Variants in DLG2 observed in about 807,000 individuals in gnomAD.
DLG2 encodes the protein discs large MAGUK scaffold protein 2.
Under a neutral mutation model 132.5 loss-of-function variants are expected in DLG2, and 45 were observed. The ratio of observed to expected loss-of-function variants is 0.34; its 90% CI spans 0.27 to 0.44. The LOEUF (loss-of-function observed/expected upper bound fraction) is 0.44. DLG2 is among the 20% of genes least tolerant of loss of function. The probability of loss-of-function intolerance (pLI) is 1.00; values close to 1 mark genes in which losing one functional copy is unlikely to be tolerated. For missense variants in DLG2, 1,045 were observed against 1,196.9 expected, an observed-to-expected ratio of 0.87 and a Z score of 1.87; for synonymous variants, 424 against 419.6, an observed-to-expected ratio of 1.01 and a Z score of -0.13.
intron 3 of DLG2, among the ~76,000 whole-genome samples, chr11:85,497,525 C>A (rs1259450253): frequency 6.6e-6 from 1 of 152,106 alleles, no homozygotes; most frequent in Non-Finnish European, 1.5e-5. Flanking sequence ...TCCAGGAGAA[C>A]TTCCCCAACC....
At chr11:84,357,768 T>C (rs568493834) in intron 7 of DLG2, among the ~76,000 whole-genome samples, 5 of 152,144 alleles carry the variant, frequency 3.3e-5, no homozygotes, top group African/African-American at 1.2e-4. Flanking sequence ...TTATTACTAG[T>C]GAAAGTAAGA....
At chr11:84,637,132 G>A (rs1417422616) in intron 6 of DLG2, among the ~76,000 whole-genome samples, 1 of 152,168 alleles carries the variant, frequency 6.6e-6, no homozygotes, top group Non-Finnish European at 1.5e-5. Flanking sequence ...ATTATGTGAA[G>A]TGTGGTAAGT....
At chr11:83,607,388 T>C (rs1723548233) in intron 19 of DLG2, among the ~76,000 whole-genome samples, 2 of 152,202 alleles carry the variant, frequency 1.3e-5, no homozygotes, top group Admixed American at 6.5e-5. Context: ...TCAGTTAATG[T>C]ATTCATGAAA....
At chr11:85,311,653 C>T (rs2080321502) in intron 3 of DLG2, among the ~76,000 whole-genome samples, 1 of 152,024 alleles carries the variant, frequency 6.6e-6, no homozygotes, top group African/African-American at 2.4e-5. Context: ...GAAATGAAAC[C>T]TTATAGATAA....
At chr11:84,076,870 A>G (rs1002968212) in intron 10 of DLG2, among the ~76,000 whole-genome samples, 4 of 152,342 alleles carry the variant, frequency 2.6e-5, no homozygotes, top group Middle Eastern at 3.4e-3. Context: ...AAACAAAGCC[A>G]TGTGATGTGA....
intron 11 of DLG2, among the ~76,000 whole-genome samples, chr11:84,054,096 T>C (rs2096455583): frequency 6.6e-6 from 1 of 152,082 alleles, no homozygotes; most frequent in Admixed American, 6.6e-5. Flanking sequence ...TTAATAAAAC[T>C]GTAGCTTTCA....
chr11:85,015,371 G>T (rs2059486459), intron 6 of DLG2, among the ~76,000 whole-genome samples: 1 of 145,350 alleles, frequency 6.9e-6, no homozygotes, highest in African/African-American at 2.5e-5. Context: ...ACAACCTAAT[G>T]AAAATACATT....
At position 84,454,734 on chromosome 11, in the gene DLG2, A is replaced by C. The variant is rs560554115; in HGVS notation, c.519+79836T>G. ...TCCAGCTGAGAAAATAAGCCAAATAAAAAAGCACATTTTGCATGATTCCAT... is the reference window on the plus strand; with the variant it reads ...TCCAGCTGAGAAAATAAGCCAAATACAAAAGCACATTTTGCATGATTCCAT... On this transcript the variant is annotated intron_variant, in intron 7 of 27. Coordinates refer to ENST00000376104, the MANE Select transcript of DLG2 (RefSeq NM_001142699.3). Among the ~76,000 whole-genome samples the C allele has an allele frequency of 2.0e-5, 3 of 151,658 alleles. No individual in the cohort carries two copies. The East Asian group carries it at 5.8e-4, about 29-fold the overall frequency.
chr11:85,595,586 T>C (rs2079691879), intron 3 of DLG2, among the ~76,000 whole-genome samples: 1 of 152,138 alleles, frequency 6.6e-6, no homozygotes. Flanking sequence ...CCAATTGCTG[T>C]CTTTCAAAAA....
At chr11:85,140,006 T>C (rs1209430880) in intron 5 of DLG2, among the ~76,000 whole-genome samples, 2 of 152,056 alleles carry the variant, frequency 1.3e-5, no homozygotes, top group South Asian at 2.1e-4. Flanking sequence ...CTCATTCTTT[T>C]TTAAAGCTGA....
intron 8 of DLG2, among the ~76,000 whole-genome samples, chr11:84,167,475 G>A (rs752116800): frequency 1.7e-4 from 26 of 152,184 alleles, no homozygotes; most frequent in Non-Finnish European, 3.5e-4. Context: ...CCTGGATGAT[G>A]ATATAATTTG....
intron 19 of DLG2, among the ~76,000 whole-genome samples, chr11:83,605,346 A>G (rs749691299): frequency 1.3e-5 from 2 of 152,244 alleles, no homozygotes; most frequent in African/African-American, 2.4e-5. Flanking sequence ...TGAGCTTTTT[A>G]CGACCCACTC....
intron 7 of DLG2, among the ~76,000 whole-genome samples, chr11:84,362,579 T>C (rs1358649920): frequency 3.9e-5 from 6 of 151,996 alleles, no homozygotes; most frequent in Non-Finnish European, 1.5e-5. Context: ...TACATATGTA[T>C]ACATGTGACA....
chr11:84,181,043 A>G (rs1273516371), intron 8 of DLG2, among the ~76,000 whole-genome samples: 1 of 152,036 alleles, frequency 6.6e-6, no homozygotes, highest in Non-Finnish European at 1.5e-5. Flanking sequence ...TTCTTAATCT[A>G]ACAGATAACA....
chr11:83,640,133 G>T (rs894971631), intron 18 of DLG2, among the ~76,000 whole-genome samples: 2 of 152,146 alleles, frequency 1.3e-5, no homozygotes, highest in African/African-American at 2.4e-5. Context: ...CTGTAAACAG[G>T]ACTCTGCACA....
intron 3 of DLG2, among the ~76,000 whole-genome samples, chr11:85,477,109 T>C (rs189410602): frequency 6.6e-6 from 1 of 152,278 alleles, no homozygotes; most frequent in Non-Finnish European, 1.5e-5. Context: ...ATTATAATCA[T>C]ATGGGACCAT....
chr11:84,703,839 C>T (rs1198409731), intron 6 of DLG2, among the ~76,000 whole-genome samples: 7 of 114,800 alleles, frequency 6.1e-5, no homozygotes, highest in Non-Finnish European at 8.5e-5. Context: ...GAAAATAATG[C>T]TAAAACTATG....
intron 6 of DLG2, among the ~76,000 whole-genome samples, chr11:84,849,302 A>G (rs1480054227): frequency 6.6e-6 from 1 of 152,194 alleles, no homozygotes; most frequent in Admixed American, 6.6e-5. Context: ...ATATACAACA[A>G]TAAAACGTGA....
At chr11:83,676,136 T>A (rs560964738) in intron 18 of DLG2, among the ~76,000 whole-genome samples, 4 of 152,234 alleles carry the variant, frequency 2.6e-5, no homozygotes, top group South Asian at 4.1e-4. Context: ...GGAGATTTGG[T>A]CTCATGTTCA....
Sources: allele counts gnomAD v4.1 joint callset (sites outside exome capture counted in the v4.1 genomes callset), GRCh38; gene constraint gnomAD v4.1.1; transcripts MANE v1.5; gene names NCBI Gene and HGNC (gene_info 2026-07-23, HGNC 2026-07-21).